TIAL1: variants seen among roughly 807,000 people sequenced by gnomAD.
TIAL1 encodes the protein nucleolysin TIAR.
TIAL1 carries 7 observed loss-of-function variants against 59.7 expected under a neutral mutation model. The ratio of observed to expected loss-of-function variants is 0.12; its 90% CI spans 0.07 to 0.22. The LOEUF is 0.22. Among genes scored for constraint, TIAL1 ranks in the 10% least tolerant of loss-of-function variants. The pLI, the probability that TIAL1 is intolerant of heterozygous loss-of-function variation, is 1.00. For missense variants in TIAL1, 225 were observed against 462.5 expected, an observed-to-expected ratio of 0.49 and a Z score of 4.71; for synonymous variants, 149 against 146.3, an observed-to-expected ratio of 1.02 and a Z score of -0.13.
In TIAL1 at chr10:119,573,607, A is replaced by G. The variant is rs1315765519; in HGVS notation, c.*2058T>C. On this transcript the variant is annotated 3_prime_UTR_variant, in exon 12 of 12. Coordinates refer to ENST00000436547, the MANE Select transcript of TIAL1 (RefSeq NM_003252.4). ...GCAGACCAAAACAGGCATACTAAGC[A>G]TTTTTATCAATTAAAAAAAGTCTTC... is the stretch of plus-strand genomic sequence containing the variant. 6.6e-6 allele frequency: 1 copy of G among 152,592 alleles called. No homozygotes were observed. Among genetic ancestry groups the G allele is most frequent in the Non-Finnish European group, 1.5e-5 (1 of 68,032 alleles). The allele number at this position is 152,592 out of a possible 1,614,324, so 9.5% of individuals were successfully genotyped here. A position where few individuals can be genotyped will look rare whatever the true frequency, so the allele number is the denominator to read the frequency against.
rs1469380415 is a variant in TIAL1, at chr10:119,573,870, T to C, written c.*1795A>G. On this transcript the variant is annotated 3_prime_UTR_variant, in exon 12 of 12. Coordinates refer to ENST00000436547, the MANE Select transcript of TIAL1 (RefSeq NM_003252.4). The stretch of plus-strand genomic sequence containing the variant: ...GCCCAGCTATGAATTTCAGACCCTA[T>C]GAATTTTTATGTTGAATACATTTGG... 6.6e-6 allele frequency: 1 copy of C among 152,228 alleles called. No homozygotes were observed. Among genetic ancestry groups the C allele is most frequent in the Non-Finnish European group, 1.5e-5 (1 of 68,024 alleles). The allele number at this position is 152,228 out of a possible 1,614,324, so 9.4% of individuals were successfully genotyped here.
intron 1 of TIAL1, among the ~76,000 whole-genome samples, chr10:119,591,450 G>A (rs532602311): frequency 1.2e-4 from 18 of 151,184 alleles, no homozygotes; most frequent in Admixed American, 2.0e-4. Flanking sequence ...CCTATTTCCC[G>A]CCAGTTACAG....
At chr10:119,576,116 T>G (rs1844979143) in intron 11 of TIAL1, among the ~76,000 whole-genome samples, 1 of 150,328 alleles carries the variant, frequency 6.7e-6, no homozygotes, top group African/African-American at 2.5e-5. Context: ...TTGGAAACAG[T>G]CTCAAAGGAA....
chr10:119,587,796 G>A (rs1845644975), intron 2 of TIAL1, among the ~76,000 whole-genome samples: 1 of 152,118 alleles, frequency 6.6e-6, no homozygotes, highest in Non-Finnish European at 1.5e-5. Flanking sequence ...TAATAACTTC[G>A]TGTTCTCGCA....
rs34886864 is a variant in TIAL1 at position 119,584,383 on chromosome 10, T to TA, written c.130-1827dup. Among the ~76,000 whole-genome samples, 82 of 148,324 alleles carry TA rather than the reference T, an allele frequency of 5.5e-4. 2 individuals are homozygous for TA. Among genetic ancestry groups the TA allele is most frequent in the African/African-American group, 1.6e-3 (66 of 40,490 alleles). On this transcript the variant is annotated intron_variant, in intron 2 of 11. Transcript: ENST00000436547. ...GAATCTATGATAACAACATCTAAAG[T>TA]AAAAAAAAAATCATAAAACTATGGG...
chr10:119,577,635 T>C lies in TIAL1; in HGVS notation c.652+6A>G, dbSNP rs565110942. 4.2e-5 allele frequency: 68 copies of C among 1,613,698 alleles called. No individual in the cohort carries two copies. The East Asian group carries it at 1.2e-3, about 29-fold the overall frequency. On this transcript the variant is annotated splice_donor_region_variant and intron_variant, in intron 8 of 11. Coordinates refer to ENST00000436547, the MANE Select transcript of TIAL1 (RefSeq NM_003252.4). ...TCAGAGGTGATTAGAAAACCAAACATTGTACCTGTTAACCCAGACGCAATT... is the reference window on the plus strand; with the variant it reads ...TCAGAGGTGATTAGAAAACCAAACACTGTACCTGTTAACCCAGACGCAATT...
chr10:119,577,267 A>G, intron 9 of TIAL1, 64 bp from the exon 10 acceptor site: 1 of 1,535,352 alleles, frequency 6.5e-7, no homozygotes, highest in Non-Finnish European at 8.7e-7. Flanking sequence ...AATAAATAAC[A>G]TGGAAACTCA....
At chr10:119,588,778 GACATTTAAAGAACAAATCAAT>G (rs1481199597) in intron 1 of TIAL1, among the ~76,000 whole-genome samples, 1 of 152,154 alleles carries the variant, frequency 6.6e-6, no homozygotes, top group African/African-American at 2.4e-5. Context: ...CACTCTGAAA[GACATTTAAAGAACAAATCAAT>G]GTGATCTTGT....
In TIAL1 at chr10:119,582,856, C is replaced by T. The variant is rs766344065; in HGVS notation, c.130-299G>A. Among the ~76,000 whole-genome samples the T allele has an allele frequency of 6.6e-6, 1 of 152,036 alleles. No homozygotes were observed. Among genetic ancestry groups the T allele is most frequent in the South Asian group, 2.1e-4 (1 of 4,834 alleles). On this transcript the variant is annotated intron_variant, in intron 2 of 11. Transcript: ENST00000436547. This position sits in a 1 kb window ranked among gnomAD's most constrained non-coding sequence, Gnocchi z 5.1. ...ATATAAAATAGAAGATTATATTAAA[C>T]CAAACAAAACCTCAAACTCAGATCT... is the stretch of plus-strand genomic sequence containing the variant.
At chr10:119,594,876 G>A (rs1022085993) in intron 1 of TIAL1, among the ~76,000 whole-genome samples, 2 of 152,162 alleles carry the variant, frequency 1.3e-5, no homozygotes, top group Non-Finnish European at 2.9e-5. Context: ...GCCCACCTCG[G>A]CCTCCCAAAG....
intron 1 of TIAL1, among the ~76,000 whole-genome samples, chr10:119,596,179 G>A (rs988906311): frequency 1.4e-4 from 21 of 152,166 alleles, no homozygotes; most frequent in African/African-American, 3.9e-4. Flanking sequence ...GGCCTAGGGA[G>A]GGCATGCAAA....
chr10:119,594,728 G>A (rs1251176123), intron 1 of TIAL1, among the ~76,000 whole-genome samples: 14 of 152,138 alleles, frequency 9.2e-5, no homozygotes, highest in Admixed American at 9.2e-4. Context: ...GGGTTCAAGT[G>A]ATTCTCCTGC....
intron 1 of TIAL1, among the ~76,000 whole-genome samples, chr10:119,589,367 G>A (rs1291935349): frequency 2.0e-5 from 3 of 151,996 alleles, no homozygotes; most frequent in East Asian, 1.9e-4. Flanking sequence ...CACCACGCCC[G>A]GCTAATTTTT....
At chr10:119,593,251 G>GT (rs1298226346) in intron 1 of TIAL1, among the ~76,000 whole-genome samples, 6 of 152,074 alleles carry the variant, frequency 3.9e-5, no homozygotes, top group African/African-American at 1.4e-4. Flanking sequence ...GATCTTGTTT[G>GT]TTTTTTTAGA....
chr10:119,578,913 G>T, intron 6 of TIAL1, 79 bp from the exon 7 acceptor site: 1 of 1,091,446 alleles, frequency 9.2e-7, no homozygotes, highest in Non-Finnish European at 1.4e-6. Context: ...AAATATCGGC[G>T]CTGCTGGTTC....
intron 1 of TIAL1, among the ~76,000 whole-genome samples, chr10:119,594,280 G>T (rs904163350): frequency 6.6e-6 from 1 of 152,184 alleles, no homozygotes; most frequent in African/African-American, 2.4e-5. Flanking sequence ...GGAAATAAGT[G>T]ACAAAGAAGT....
Position 119,575,503 on chromosome 10 carries a change from A to G in TIAL1, c.*162T>C. The G allele has an allele frequency of 1.2e-6, 1 of 800,574 alleles. No individual in the cohort carries two copies. The highest frequency in any genetic ancestry group is 1.8e-5 in the African/African-American group (1 of 55,172). The allele number at this position is 800,574 out of a possible 1,614,324, so 49.6% of individuals were successfully genotyped here. On this transcript the variant is annotated 3_prime_UTR_variant, in exon 12 of 12. Coordinates refer to ENST00000436547, the MANE Select transcript of TIAL1 (RefSeq NM_003252.4). Reference sequence around the variant, plus strand: ...CAAAAACTTAAAAAGGCAGAACTAGAAGACACGTGTCCTTCACCAAAGCAA... The same window carrying G: ...CAAAAACTTAAAAAGGCAGAACTAGGAGACACGTGTCCTTCACCAAAGCAA...
intron 1 of TIAL1, among the ~76,000 whole-genome samples, chr10:119,592,801 T>A (rs1845951327): frequency 6.6e-6 from 1 of 151,996 alleles, no homozygotes; most frequent in Admixed American, 6.6e-5. Flanking sequence ...ACTCTCTCTC[T>A]CTTACTTTAA....
In TIAL1 at chr10:119,577,139, G is replaced by A. The variant is rs1356193273; in HGVS notation, c.802C>T (p.His268Tyr). The change falls in exon 10 of 12, where the codon CAT becomes TAT. Residue 268 changes from histidine (H) to tyrosine (Y), a missense_variant. His to Tyr is a moderately conservative substitution (Grantham distance 83). This residue lies in a region of TIAL1 where 80 missense variants were observed against 158.8 expected (regional missense o/e 0.50). Transcript: ENST00000436547. ...VSVNGTTIEG[H>Y]VVKCYWGKES... is the part of the protein sequence containing the mutation. ...TTACCCCAATAGCATTTAACCACATGTCCTTCAATCGTAGTACCGTTCACC... is the reference window on the plus strand; with the variant it reads ...TTACCCCAATAGCATTTAACCACATATCCTTCAATCGTAGTACCGTTCACC... The A allele has an allele frequency of 4.3e-6, 7 of 1,613,872 alleles. No homozygotes were observed. The highest frequency in any genetic ancestry group is 1.3e-5 in the African/African-American group (1 of 74,902).
Sources: allele counts gnomAD v4.1 joint callset (sites outside exome capture counted in the v4.1 genomes callset), GRCh38; gene constraint gnomAD v4.1.1; regional missense constraint gnomAD v4.1.1; non-coding constraint Gnocchi (gnomAD v3.1); transcripts MANE v1.5; gene names NCBI Gene and HGNC (gene_info 2026-07-23, HGNC 2026-07-21).